Variants in TRIP4 observed in about 807,000 individuals in gnomAD.
TRIP4 encodes activating signal cointegrator 1.
Under a neutral mutation model 81.8 loss-of-function variants are expected in TRIP4, and 54 were observed. That is an observed-to-expected ratio of 0.66 (90% CI 0.53 to 0.83). TRIP4 has a LOEUF of 0.83. Ranked by LOEUF, TRIP4 falls within the 40% of genes least tolerant of loss-of-function variation. The pLI, the probability that TRIP4 is intolerant of heterozygous loss-of-function variation, is 0.00. For synonymous variants in TRIP4, 270 were observed against 242.8 expected, an observed-to-expected ratio of 1.11 and a Z score of -1.04; for missense variants, 662 against 683.6, an observed-to-expected ratio of 0.97 and a Z score of 0.35.
intron 5 of TRIP4, among the ~76,000 whole-genome samples, chr15:64,403,300 GCGTGCACCACTATGC>G (rs1891554051): frequency 6.6e-6 from 1 of 152,102 alleles, no homozygotes; most frequent in Non-Finnish European, 1.5e-5. Context: ...GGGACTACAG[GCGTGCACCACTATGC>G]CCAGTTAAAT....
At chr15:64,401,753 G>T (rs1277422938) in intron 5 of TRIP4, among the ~76,000 whole-genome samples, 1 of 152,006 alleles carries the variant, frequency 6.6e-6, no homozygotes, top group Non-Finnish European at 1.5e-5. Context: ...TCTTATAAAA[G>T]AATTCCAGTT....
chr15:64,397,509 A>G (rs1900327778), intron 3 of TRIP4, 97 bp from the exon 4 acceptor site: 4 of 1,169,940 alleles, frequency 3.4e-6, no homozygotes, highest in Non-Finnish European at 3.6e-6. Context: ...CTTGGATAGT[A>G]TATAAGTTGT....
chr15:64,438,333 T>C (rs915907786), intron 11 of TRIP4, among the ~76,000 whole-genome samples: 2 of 152,224 alleles, frequency 1.3e-5, no homozygotes, highest in Non-Finnish European at 2.9e-5. Flanking sequence ...TTCATTCATT[T>C]ATTTATTTTG....
intron 8 of TRIP4, 91 bp downstream of exon 8, chr15:64,414,302 C>A: frequency 6.6e-7 from 1 of 1,525,906 alleles, no homozygotes; most frequent in Non-Finnish European, 8.9e-7. Context: ...CTTCAGATAC[C>A]AATCAGCTCT....
chr15:64,387,884 G>T lies in TRIP4; in HGVS notation c.21G>T (p.Val7=). The change falls in exon 1 of 13, where the codon GTG becomes GTT. Residue 7 remains valine (V), a synonymous_variant. Coordinates refer to ENST00000261884, the MANE Select transcript of TRIP4 (RefSeq NM_016213.5). MAVAGA[V]SGEPLVHWCT... ...GGAAGATGGCGGTGGCTGGGGCGGT[G>T]TCCGGGGAGCCGCTGGTGCACTGGT... The T allele has an allele frequency of 1.3e-6, 2 of 1,548,430 alleles. No individual in the cohort carries two copies. The highest frequency in any genetic ancestry group is 2.4e-5 in the South Asian group (2 of 83,932).
intron 6 of TRIP4, among the ~76,000 whole-genome samples, chr15:64,406,851 G>T (rs1416254768): frequency 6.6e-6 from 1 of 152,144 alleles, no homozygotes; most frequent in Admixed American, 6.5e-5. Flanking sequence ...GGAGAACACA[G>T]GTTATGCCCT....
At chr15:64,418,483 T>C in intron 8 of TRIP4, 58 bp from the exon 9 acceptor site, 1 of 1,481,588 alleles carries the variant, frequency 6.7e-7, no homozygotes, top group Non-Finnish European at 9.0e-7. Flanking sequence ...TCATTTTGTC[T>C]ACCTACCCCA....
At chr15:64,400,607 G>A (rs1478509441) in intron 4 of TRIP4, 136 bp from the exon 5 acceptor site, 8 of 636,248 alleles carry the variant, frequency 1.3e-5, no homozygotes, top group African/African-American at 1.8e-5. Context: ...ATTTTGGTGT[G>A]TTTGGATTAA....
chr15:64,431,872 G>GT (rs1426771087), intron 11 of TRIP4, among the ~76,000 whole-genome samples: 17 of 80,744 alleles, frequency 2.1e-4, no homozygotes, highest in Non-Finnish European at 2.4e-4. Context: ...AGAGCATTGT[G>GT]TTTTCTTTTT....
At chr15:64,444,426 A>G (rs948467136) in intron 11 of TRIP4, among the ~76,000 whole-genome samples, 3 of 152,242 alleles carry the variant, frequency 2.0e-5, no homozygotes, top group African/African-American at 7.2e-5. Context: ...AGGTTTCTAA[A>G]TAATTTTCAG....
chr15:64,396,630 T>G (rs1900304045), intron 3 of TRIP4, among the ~76,000 whole-genome samples: 1 of 152,216 alleles, frequency 6.6e-6, no homozygotes, highest in African/African-American at 2.4e-5. Flanking sequence ...TGGGCAGCTA[T>G]ACTTTCTCAT....
At chr15:64,448,185 C>A (rs528177069) in intron 12 of TRIP4, among the ~76,000 whole-genome samples, 65 of 152,282 alleles carry the variant, frequency 4.3e-4, no homozygotes, top group African/African-American at 1.5e-3. Flanking sequence ...CTTCCCTTTT[C>A]GTAGCTTCTT....
At chr15:64,414,349 C>G in intron 8 of TRIP4, 138 bp downstream of exon 8, 3 of 1,137,372 alleles carry the variant, frequency 2.6e-6, no homozygotes, top group Non-Finnish European at 3.7e-6. Context: ...TCTCAACACA[C>G]CTGCCAACCT....
chr15:64,421,718 T>C (rs899614664), intron 9 of TRIP4, among the ~76,000 whole-genome samples: 1 of 152,168 alleles, frequency 6.6e-6, no homozygotes, highest in African/African-American at 2.4e-5. Flanking sequence ...CAGTATTCTG[T>C]ACAGTAACAT....
chr15:64,427,868 G>A (rs1028092529), intron 11 of TRIP4, among the ~76,000 whole-genome samples: 3 of 152,110 alleles, frequency 2.0e-5, no homozygotes, highest in African/African-American at 4.8e-5. Flanking sequence ...ATAGACACAT[G>A]GAGGCTATCC....
chr15:64,447,324 A>G (rs986076567), intron 12 of TRIP4, among the ~76,000 whole-genome samples: 2 of 152,130 alleles, frequency 1.3e-5, no homozygotes, highest in African/African-American at 2.4e-5. Context: ...CCCTCATCCA[A>G]TACCTTGGGG....
At chr15:64,437,488 G>T (rs182503732) in intron 11 of TRIP4, among the ~76,000 whole-genome samples, 26 of 150,590 alleles carry the variant, frequency 1.7e-4, no homozygotes, top group African/African-American at 5.6e-4. Context: ...ATATGAAGTC[G>T]TGTTACTTTG....
chr15:64,442,764 G>T (rs781110580), intron 11 of TRIP4, among the ~76,000 whole-genome samples: 1 of 152,036 alleles, frequency 6.6e-6, no homozygotes, highest in African/African-American at 2.4e-5. Context: ...GAGGCAGGTG[G>T]ATTACCTGAG....
intron 2 of TRIP4, 90 bp from the exon 3 acceptor site, chr15:64,395,308 C>G: frequency 9.3e-7 from 1 of 1,076,952 alleles, no homozygotes. Context: ...AAATATTAAG[C>G]ATCACCTTAG....
Sources: gnomAD v4.1 joint callset for allele counts (sites outside exome capture counted in the v4.1 genomes callset) on GRCh38, gnomAD v4.1.1 for gene constraint, MANE v1.5 for transcripts, NCBI Gene and HGNC (gene_info 2026-07-23, HGNC 2026-07-21) for gene names.